Variants in NBAS observed in about 807,000 individuals in gnomAD.
NBAS encodes NAG/BC035112 fusion.
Under a neutral mutation model 302.5 loss-of-function variants are expected in NBAS, and 219 were observed. The observed-to-expected ratio is 0.72, with a 90% CI of 0.65 to 0.81. NBAS has a LOEUF of 0.81. NBAS is among the 30% of genes least tolerant of loss of function. The pLI is 0.00. For missense variants in NBAS, 2,932 were observed against 2,841.6 expected, an observed-to-expected ratio of 1.03 and a Z score of -0.72; for synonymous variants, 1,118 against 1,021.6, an observed-to-expected ratio of 1.09 and a Z score of -1.80.
the NBAS span, among the ~76,000 whole-genome samples, chr2:15,105,899 T>C: frequency 6.6e-6 from 1 of 152,148 alleles, no homozygotes; most frequent in South Asian, 2.1e-4. Flanking sequence ...GTTTGGAATA[T>C]AGGATGGCAA....
rs1351338570 is a variant in NBAS at position 15,541,942 on chromosome 2, C to T, written c.380-2586G>A. Among the ~76,000 whole-genome samples, 2 of 64,238 alleles carry T rather than the reference C, an allele frequency of 3.1e-5. 1 individual carries two copies. The highest frequency in any genetic ancestry group is 2.9e-4 in the Admixed American group (2 of 6,788). The allele number at this position is 64,238 out of a possible 152,430, so 42.1% of individuals were successfully genotyped here. A position where few individuals can be genotyped will look rare whatever the true frequency, so the allele number is the denominator to read the frequency against. On this transcript the variant is annotated intron_variant, in intron 6 of 51. Transcript: ENST00000281513. The stretch of plus-strand genomic sequence containing the variant: ...CCCCCGCCCGGCCAGCCGCCCCGTC[C>T]GGGAGGGAGGTGGGGGGGTCAGCCC...
At chr2:15,239,410 T>TAC (rs1225040560) in intron 44 of NBAS, among the ~76,000 whole-genome samples, 1 of 150,406 alleles carries the variant, frequency 6.6e-6, no homozygotes, top group Non-Finnish European at 1.5e-5. Context: ...TGTATATATA[T>TAC]ATATATATAT....
At chr2:15,075,578 A>C in the NBAS span, among the ~76,000 whole-genome samples, 1 of 152,214 alleles carries the variant, frequency 6.6e-6, no homozygotes, top group African/African-American at 2.4e-5. Flanking sequence ...TTAGGGCTAC[A>C]CACAGCTCTG....
At chr2:14,821,788 GGGTCACAA>G in the NBAS span, among the ~76,000 whole-genome samples, 1 of 151,984 alleles carries the variant, frequency 6.6e-6, no homozygotes, top group Non-Finnish European at 1.5e-5. Context: ...CGAGGCAGGT[GGGTCACAA>G]GGTCAGGAGT....
chr2:15,080,175 T>C, the NBAS span, among the ~76,000 whole-genome samples: 2 of 152,174 alleles, frequency 1.3e-5, no homozygotes, highest in Non-Finnish European at 2.9e-5. Flanking sequence ...GATTCCTCCT[T>C]CAACATTAGT....
At chr2:14,901,982 C>T in the NBAS span, among the ~76,000 whole-genome samples, 1 of 152,186 alleles carries the variant, frequency 6.6e-6, no homozygotes, top group Admixed American at 6.5e-5. Context: ...AACAGCCTCC[C>T]ACCAGAAAAT....
chr2:15,190,861 A>G (rs1398505832), intron 48 of NBAS, among the ~76,000 whole-genome samples: 1 of 152,244 alleles, frequency 6.6e-6, no homozygotes, highest in Non-Finnish European at 1.5e-5. Context: ...ATTTTACTAA[A>G]GTGTATCTGT....
intron 48 of NBAS, among the ~76,000 whole-genome samples, chr2:15,209,883 C>A (rs73194955): frequency 0.016 from 2,414 of 152,192 alleles, 53 homozygotes; most frequent in African/African-American, 0.053. Context: ...AAAGGACAGC[C>A]TCTTCAATAA....
At chr2:15,483,416 T>C (rs1680509148) in intron 12 of NBAS, 3 of 386,378 alleles carry the variant, frequency 7.8e-6, no homozygotes, top group South Asian at 4.1e-5. Flanking sequence ...GACATAAGTT[T>C]GTATTCCATT....
At chr2:15,188,100 T>C (rs1445771836) in intron 49 of NBAS, among the ~76,000 whole-genome samples, 1 of 152,222 alleles carries the variant, frequency 6.6e-6, no homozygotes, top group Non-Finnish European at 1.5e-5. Flanking sequence ...GGTGAACCAA[T>C]GGGCAACGAG....
At chr2:15,123,443 G>A in the NBAS span, among the ~76,000 whole-genome samples, 3 of 152,188 alleles carry the variant, frequency 2.0e-5, no homozygotes, top group Non-Finnish European at 4.4e-5. Flanking sequence ...CTCATGTGGA[G>A]TAACCCCCAC....
the NBAS span, among the ~76,000 whole-genome samples, chr2:15,128,527 C>A: frequency 6.6e-5 from 10 of 152,148 alleles, no homozygotes; most frequent in African/African-American, 1.4e-4. Context: ...AGAGATGAGA[C>A]ACACACATAA....
chr2:14,838,978 AT>A, the NBAS span, among the ~76,000 whole-genome samples: 1 of 152,186 alleles, frequency 6.6e-6, no homozygotes, highest in Non-Finnish European at 1.5e-5. Flanking sequence ...AAATATAAAA[AT>A]GTTTTCAAGA....
the NBAS span, among the ~76,000 whole-genome samples, chr2:14,892,941 C>G: frequency 5.9e-5 from 9 of 152,252 alleles, no homozygotes; most frequent in East Asian, 1.7e-3. Flanking sequence ...TTAAGTGAAT[C>G]AAAGAAATCT....
chr2:14,931,576 A>G, the NBAS span, among the ~76,000 whole-genome samples: 1 of 152,244 alleles, frequency 6.6e-6, no homozygotes, highest in Non-Finnish European at 1.5e-5. Context: ...AGTTTTCCCC[A>G]GTGTATCCAT....
At chr2:15,238,743 C>A in intron 44 of NBAS, 57 bp from the exon 45 acceptor site, 1 of 1,483,438 alleles carries the variant, frequency 6.7e-7, no homozygotes, top group South Asian at 1.2e-5. Context: ...ATTGCATATT[C>A]AGCAAGTGTT....
At chr2:15,502,220 G>A (rs993360627) in intron 11 of NBAS, among the ~76,000 whole-genome samples, 3 of 152,130 alleles carry the variant, frequency 2.0e-5, no homozygotes, top group Admixed American at 2.0e-4. Context: ...ATAAAAAGCA[G>A]GCATCATAAT....
intron 41 of NBAS, among the ~76,000 whole-genome samples, chr2:15,288,939 T>C (rs1049487139): frequency 5.3e-5 from 8 of 152,258 alleles, no homozygotes; most frequent in Non-Finnish European, 1.2e-4. Context: ...GCTTTTGTTT[T>C]TGTTTTTGTG....
Position 15,402,105 on chromosome 2 carries a change from C to T in NBAS, c.3071+63G>A, listed in dbSNP as rs181787520. 43 of 1,588,098 alleles carry T rather than the reference C, an allele frequency of 2.7e-5. No homozygotes were observed. In the Admixed American group the frequency reaches 5.0e-4, roughly 19 times the overall value. On this transcript the variant is annotated intron_variant, in intron 26 of 51. Coordinates refer to ENST00000281513, the MANE Select transcript of NBAS (RefSeq NM_015909.4). ...CTAAGGTAAGCATTTGGGGAAGCAACGTTTTTGTTTTAACTGTTAGAATAA... is the reference window on the plus strand; with the variant it reads ...CTAAGGTAAGCATTTGGGGAAGCAATGTTTTTGTTTTAACTGTTAGAATAA...
Sources: gnomAD v4.1 joint callset for allele counts (sites outside exome capture counted in the v4.1 genomes callset) on GRCh38, gnomAD v4.1.1 for gene constraint, MANE v1.5 for transcripts, NCBI Gene and HGNC (gene_info 2026-07-23, HGNC 2026-07-21) for gene names.